The following CCDC3 variants were observed in gnomAD, a reference collection of about 807,000 sequenced individuals.
CCDC3 encodes the protein coiled-coil domain-containing protein 3.
In CCDC3, 24 loss-of-function variants were observed where a neutral mutation model predicts 21.4. That is an observed-to-expected ratio of 1.12 (90% CI 0.81 to 1.58). The LOEUF (loss-of-function observed/expected upper bound fraction) is 1.58. CCDC3 is among the 40% of genes most tolerant of loss of function. CCDC3 has a pLI of 0.00. For missense variants in CCDC3, 425 were observed against 360.9 expected (o/e 1.18, Z -1.44); for synonymous variants, 186 against 166.0 (o/e 1.12, Z -0.93).
At chr10:13,019,574 C>G (rs1312396258) in intron 5 of CCDC3, among the ~76,000 whole-genome samples, 1 of 152,220 alleles carries the variant, frequency 6.6e-6, no homozygotes, top group Non-Finnish European at 1.5e-5. Flanking sequence ...AGAAGAATAT[C>G]TGTTTTTTCC....
intron 2 of CCDC3, among the ~76,000 whole-genome samples, chr10:12,919,798 G>A (rs1057399305): frequency 8.5e-5 from 13 of 152,192 alleles, no homozygotes; most frequent in Admixed American, 5.2e-4. Context: ...AGCTCCCAGG[G>A]AGATGTGCTA....
chr10:13,009,576 T>C (rs1835961229), intron 5 of CCDC3, among the ~76,000 whole-genome samples: 1 of 152,180 alleles, frequency 6.6e-6, no homozygotes, highest in African/African-American at 2.4e-5. Flanking sequence ...CAAATACCTA[T>C]GTCAAAGGAA....
chr10:13,047,617 A>G (rs1016363678), intron 5 of CCDC3, among the ~76,000 whole-genome samples: 2 of 152,092 alleles, frequency 1.3e-5, no homozygotes, highest in African/African-American at 4.8e-5. Context: ...ATGCCTGGGT[A>G]CATATAAAGA....
At chr10:13,075,168 T>A (rs921884713) in intron 3 of CCDC3, among the ~76,000 whole-genome samples, 1 of 152,222 alleles carries the variant, frequency 6.6e-6, no homozygotes, top group Non-Finnish European at 1.5e-5. Flanking sequence ...CTTATCAATA[T>A]CTCAGAAGCT....
At chr10:12,933,450 T>G (rs10906257) in intron 2 of CCDC3, among the ~76,000 whole-genome samples, 23,773 of 131,024 alleles carry the variant, frequency 0.18, 2,271 homozygotes, top group East Asian at 0.48. Flanking sequence ...GTTGATAATA[T>G]TCCCTTTATT....
Position 12,898,619 on chromosome 10 carries a change from G to T in CCDC3, c.610C>A (p.Gln204Lys), listed in dbSNP as rs754654474. 6.2e-7 allele frequency: 1 copy of T among 1,614,238 alleles called. No homozygotes were observed. Among genetic ancestry groups the T allele is most frequent in the Non-Finnish European group, 8.5e-7 (1 of 1,180,044 alleles). ...TTCTCCAGGGTGGCCACTTTCTGCT[G>T]CAGTTTCTTGACGTGGTCCTCCTCC... Reference protein sequence around the residue: ...FEEEDHVKKLQQKVATLEKRN... With the variant: ...FEEEDHVKKLKQKVATLEKRN... Residue 204 changes from glutamine (Q) to lysine (K), a missense_variant, in exon 3 of 3, where the codon CAG becomes AAG. Gln to Lys is a moderately conservative substitution (Grantham distance 53). Transcript: ENST00000378825.
upstream of CCDC3, among the ~76,000 whole-genome samples, chr10:13,004,126 C>A (rs1835897940): frequency 6.6e-6 from 1 of 152,160 alleles, no homozygotes; most frequent in African/African-American, 2.4e-5. Flanking sequence ...ACTTCCATCT[C>A]TTGATTCCGA....
intron 5 of CCDC3, among the ~76,000 whole-genome samples, chr10:13,033,101 C>T (rs1315961827): frequency 6.6e-6 from 1 of 152,206 alleles, no homozygotes; most frequent in Non-Finnish European, 1.5e-5. Context: ...TACTACAAGG[C>T]TACAGTAACC....
At chr10:12,908,880 C>T (rs1417014586) in intron 2 of CCDC3, among the ~76,000 whole-genome samples, 2 of 152,160 alleles carry the variant, frequency 1.3e-5, no homozygotes, top group Admixed American at 6.5e-5. Context: ...GTGTGGACCA[C>T]GGCGCCTGGC....
chr10:13,093,122 T>C (rs577331253), intron 3 of CCDC3, among the ~76,000 whole-genome samples: 40 of 152,092 alleles, frequency 2.6e-4, no homozygotes, highest in Admixed American at 2.4e-3. Flanking sequence ...TTAGTCTGTT[T>C]TCATGCTGCT....
At chr10:13,058,396 AT>A in intron 4 of CCDC3, 2 of 894,546 alleles carry the variant, frequency 2.2e-6, no homozygotes, top group East Asian at 4.8e-5. Flanking sequence ...CTGCAGCGTA[AT>A]TTGTCAGGCC....
chr10:13,088,522 T>A (rs11258181), intron 3 of CCDC3, among the ~76,000 whole-genome samples: 15,907 of 152,182 alleles, frequency 0.1, 1,045 homozygotes, highest in Non-Finnish European at 0.15. Flanking sequence ...AGGTTTTTGA[T>A]CTTGAAAAGT....
chr10:13,021,109 A>G (rs1479137909), intron 5 of CCDC3, among the ~76,000 whole-genome samples: 1 of 152,230 alleles, frequency 6.6e-6, no homozygotes, highest in Admixed American at 6.5e-5. Context: ...GTAGGCTTTG[A>G]GGTATAGACT....
chr10:12,911,486 T>G (rs1293629413), intron 2 of CCDC3, among the ~76,000 whole-genome samples: 2 of 152,218 alleles, frequency 1.3e-5, no homozygotes, highest in East Asian at 3.8e-4. Context: ...AAAGACAACT[T>G]GCATTTCTAT....
chr10:13,069,871 G>C (rs1836863086), intron 4 of CCDC3, among the ~76,000 whole-genome samples: 1 of 152,062 alleles, frequency 6.6e-6, no homozygotes, highest in African/African-American at 2.4e-5. Flanking sequence ...AACTACCCTG[G>C]ACATTTTGTT....
chr10:13,018,888 G>T (rs781182181), intron 5 of CCDC3, among the ~76,000 whole-genome samples: 9 of 151,566 alleles, frequency 5.9e-5, no homozygotes, highest in Non-Finnish European at 8.8e-5. Flanking sequence ...AGTGAGCCGA[G>T]ATCATGCCGT....
chr10:12,916,464 C>T (rs914191829), intron 2 of CCDC3, among the ~76,000 whole-genome samples: 52 of 146,732 alleles, frequency 3.5e-4, no homozygotes, highest in African/African-American at 9.4e-4. Context: ...CCTGGGGCCA[C>T]GGGTGCCAAC....
At chr10:13,072,981 C>T (rs1469043796) in intron 4 of CCDC3, among the ~76,000 whole-genome samples, 3 of 151,654 alleles carry the variant, frequency 2.0e-5, no homozygotes, top group Non-Finnish European at 4.4e-5. Flanking sequence ...ATTCTCCTGC[C>T]TCAGCCTCCC....
intron 2 of CCDC3, among the ~76,000 whole-genome samples, chr10:12,993,422 C>T (rs1835708120): frequency 6.6e-6 from 1 of 152,176 alleles, no homozygotes; most frequent in Non-Finnish European, 1.5e-5. Flanking sequence ...TATCATCCTT[C>T]CCAACTCCAA....
Sources: allele counts gnomAD v4.1 joint callset (sites outside exome capture counted in the v4.1 genomes callset), GRCh38; gene constraint gnomAD v4.1.1; transcripts MANE v1.5; gene names NCBI Gene and HGNC (gene_info 2026-07-23, HGNC 2026-07-21).